RSBN1L: variants seen among roughly 807,000 people sequenced by gnomAD.
The protein encoded by RSBN1L is round spermatid basic protein 1 like, also known as lysine-specific demethylase RSBN1L.
A neutral mutation model predicts 67.7 loss-of-function variants in RSBN1L; 30 were observed. The observed-to-expected ratio is 0.44, with a 90% CI of 0.33 to 0.60. The LOEUF (loss-of-function observed/expected upper bound fraction) is 0.60. RSBN1L is among the 20% of genes least tolerant of loss of function. RSBN1L has a pLI of 0.02. For missense variants in RSBN1L, 992 were observed against 1,031.7 expected, an observed-to-expected ratio of 0.96 and a Z score of 0.53; for synonymous variants, 433 against 387.0, an observed-to-expected ratio of 1.12 and a Z score of -1.39.
intron 4 of RSBN1L, 69 bp from the exon 5 acceptor site, chr7:77,768,592 T>G: frequency 2.9e-6 from 1 of 347,908 alleles, no homozygotes; most frequent in Non-Finnish European, 4.0e-6. Context: ...GGGAACAATA[T>G]TATTATTAAC....
chr7:77,713,254 ATTAT>A (rs1790999114), intron 1 of RSBN1L, among the ~76,000 whole-genome samples: 1 of 151,932 alleles, frequency 6.6e-6, no homozygotes, highest in African/African-American at 2.4e-5. Flanking sequence ...GTTCATAAAC[ATTAT>A]TTAAGGGGGT....
rs1363506185 is a variant in RSBN1L at position 77,768,477 on chromosome 7, G to T, written c.1483-184G>T. 40 of 566,266 alleles carry T rather than the reference G, an allele frequency of 7.1e-5. No homozygotes were observed. Among genetic ancestry groups the T allele is most frequent in the Non-Finnish European group, 1.1e-4 (36 of 320,796 alleles). The allele number at this position is 566,266 out of a possible 1,614,324, so 35.1% of individuals were successfully genotyped here. A position where few individuals can be genotyped will look rare whatever the true frequency, so the allele number is the denominator to read the frequency against. ...GCATAATTATTTTCTTGGTGTGTTT[G>T]AAACAGTTTTTTGAAGCAAAGTATA... On this transcript the variant is annotated intron_variant, in intron 4 of 7. Transcript: ENST00000334955.
At chr7:77,769,940 C>G (rs151288506) in intron 5 of RSBN1L, among the ~76,000 whole-genome samples, 3,022 of 152,248 alleles carry the variant, frequency 0.02, 85 homozygotes, top group African/African-American at 0.068. Flanking sequence ...ACTCTTTGAT[C>G]TAGCACTCCT....
At chr7:77,771,207 C>A (rs4729725) in intron 5 of RSBN1L, among the ~76,000 whole-genome samples, 86,780 of 152,090 alleles carry the variant, frequency 0.57, 26,660 homozygotes, top group African/African-American at 0.81. Flanking sequence ...CCCAAAGTGC[C>A]TAGGCATGAG....
chr7:77,740,051 C>T (rs1791389086), intron 2 of RSBN1L, among the ~76,000 whole-genome samples: 1 of 151,910 alleles, frequency 6.6e-6, no homozygotes, highest in Admixed American at 6.6e-5. Context: ...TGCGTCCGGC[C>T]TGTCAAGTTT....
Position 77,780,519 on chromosome 7 carries a change from G to C in RSBN1L, c.*1351G>C, listed in dbSNP as rs1791986028. ...AGTACCTTTACTAAGTAATAGCTAA[G>C]TATAAAATCTTTAGTTACAGAAAGC... On this transcript the variant is annotated 3_prime_UTR_variant, in exon 8 of 8. Coordinates refer to ENST00000334955, the MANE Select transcript of RSBN1L (RefSeq NM_198467.3). 6.6e-6 allele frequency: 1 copy of C among 152,066 alleles called. No homozygotes were observed. The highest frequency in any genetic ancestry group is 1.5e-5 in the Non-Finnish European group (1 of 68,022). 9.4% of individuals were successfully genotyped at this position (152,066 alleles called of 1,614,324 possible). A position where few individuals can be genotyped will look rare whatever the true frequency, so the allele number is the denominator to read the frequency against.
At chr7:77,765,908 C>G (rs1422577018) in intron 4 of RSBN1L, among the ~76,000 whole-genome samples, 1 of 152,188 alleles carries the variant, frequency 6.6e-6, no homozygotes, top group Non-Finnish European at 1.5e-5. Flanking sequence ...AATAACACCT[C>G]TTAACACTTT....
intron 1 of RSBN1L, among the ~76,000 whole-genome samples, chr7:77,731,974 G>C (rs916891022): frequency 6.6e-6 from 1 of 151,708 alleles, no homozygotes; most frequent in African/African-American, 2.4e-5. Flanking sequence ...TTGTTCCATT[G>C]ATCTGTTTGT....
chr7:77,702,879 C>T (rs1441078740), intron 1 of RSBN1L, among the ~76,000 whole-genome samples: 1 of 152,124 alleles, frequency 6.6e-6, no homozygotes, highest in Admixed American at 6.6e-5. Flanking sequence ...CTTTATAAAG[C>T]TACCAATTTT....
chr7:77,750,096 T>A lies in RSBN1L; in HGVS notation c.1344+32T>A, dbSNP rs1469828297. On this transcript the variant is annotated intron_variant, in intron 3 of 7. Transcript: ENST00000334955. The stretch of plus-strand genomic sequence containing the variant: ...GGTTTTTAGTTTTATAAAATAACTT[T>A]TAATTATATATTTTTAGATGAGTTT... The A allele has an allele frequency of 2.3e-6, 3 of 1,306,850 alleles. No homozygotes were observed. In the South Asian group the frequency reaches 5.2e-5, roughly 23 times the overall value. The allele number at this position is 1,306,850 out of a possible 1,614,324, so 81.0% of individuals were successfully genotyped here.
chr7:77,736,480 G>T lies in RSBN1L; in HGVS notation c.657G>T (p.Met219Ile). ...GAGAAAAAAAGAAACATAAAGTAAT[G>T]AATGAGATCAAGAAAGAGAATGGAG... Reference protein sequence around the residue: ...KEREKKKHKVMNEIKKENGEV... With the variant: ...KEREKKKHKVINEIKKENGEV... The change falls in exon 2 of 8, where the codon ATG becomes ATT. Residue 219 changes from methionine to isoleucine, a missense_variant. By Grantham distance (10) the Met-to-Ile change is conservative. This residue lies in a region of RSBN1L where 575 missense variants were observed against 483.2 expected (regional missense o/e 1.19). Coordinates refer to ENST00000334955, the MANE Select transcript of RSBN1L (RefSeq NM_198467.3). 2 of 1,249,552 alleles carry T rather than the reference G, an allele frequency of 1.6e-6. No individual in the cohort carries two copies. The highest frequency in any genetic ancestry group is 2.8e-5 in the South Asian group (2 of 72,094). 77.4% of individuals were successfully genotyped at this position (1,249,552 alleles called of 1,614,324 possible).
intron 1 of RSBN1L, among the ~76,000 whole-genome samples, chr7:77,724,718 G>T (rs768686197): frequency 7.9e-5 from 12 of 151,868 alleles, no homozygotes; most frequent in Admixed American, 5.2e-4. Flanking sequence ...GGGCCACTGC[G>T]CCCGGCCATG....
At chr7:77,708,312 G>A (rs1285924943) in intron 1 of RSBN1L, among the ~76,000 whole-genome samples, 5 of 152,210 alleles carry the variant, frequency 3.3e-5, no homozygotes, top group Non-Finnish European at 5.9e-5. Flanking sequence ...GCTTTTGTAC[G>A]GAATTGGAAG....
At chr7:77,777,740 G>A (rs556392228) in intron 6 of RSBN1L, among the ~76,000 whole-genome samples, 8 of 151,636 alleles carry the variant, frequency 5.3e-5, no homozygotes, top group African/African-American at 1.9e-4. Context: ...CCATTTTTTA[G>A]CATCTCTTTA....
intron 4 of RSBN1L, among the ~76,000 whole-genome samples, chr7:77,767,129 A>G (rs888828062): frequency 1.6e-5 from 2 of 128,214 alleles, no homozygotes; most frequent in African/African-American, 6.2e-5. Context: ...GGGTCCTGCT[A>G]TGTTGCCCAG....
At chr7:77,735,077 T>C (rs1188085804) in intron 1 of RSBN1L, among the ~76,000 whole-genome samples, 1 of 152,036 alleles carries the variant, frequency 6.6e-6, no homozygotes, top group Non-Finnish European at 1.5e-5. Flanking sequence ...AAAAAACACT[T>C]TGTCAGTGTT....
intron 1 of RSBN1L, among the ~76,000 whole-genome samples, chr7:77,699,883 G>A (rs1403823008): frequency 6.6e-6 from 1 of 150,446 alleles, no homozygotes; most frequent in Non-Finnish European, 1.5e-5. Flanking sequence ...TGCAACCTCC[G>A]CCTCCCGGGT....
At chr7:77,752,318 T>G (rs1432163633) in intron 3 of RSBN1L, among the ~76,000 whole-genome samples, 1 of 152,260 alleles carries the variant, frequency 6.6e-6, no homozygotes, top group Admixed American at 6.5e-5. Context: ...GCATGTCAGC[T>G]GCAGGGACTA....
intron 4 of RSBN1L, among the ~76,000 whole-genome samples, chr7:77,766,217 A>G (rs965831951): frequency 6.6e-6 from 1 of 152,148 alleles, no homozygotes; most frequent in Non-Finnish European, 1.5e-5. Context: ...TTTTTTTGAG[A>G]CAGCCTCACT....
Sources: allele counts gnomAD v4.1 joint callset (sites outside exome capture counted in the v4.1 genomes callset), GRCh38; gene constraint gnomAD v4.1.1; regional missense constraint gnomAD v4.1.1; transcripts MANE v1.5; gene names NCBI Gene and HGNC (gene_info 2026-07-23, HGNC 2026-07-21).